The following ERG variants were observed in gnomAD, a reference collection of about 807,000 sequenced individuals.
ERG encodes the protein transcriptional regulator ERG.
Under a neutral mutation model 55.3 loss-of-function variants are expected in ERG, and 9 were observed. The ratio of observed to expected loss-of-function variants is 0.16; its 90% confidence interval spans 0.10 to 0.28. The LOEUF (loss-of-function observed/expected upper bound fraction) is 0.28. ERG is among the 10% of genes least tolerant of loss of function. ERG has a pLI of 1.00. For synonymous variants in ERG, 223 were observed against 237.3 expected, an observed-to-expected ratio of 0.94 and a Z score of 0.55; for missense variants, 434 against 631.6, an observed-to-expected ratio of 0.69 and a Z score of 3.35.
At chr21:38,661,669 T>G (rs1004940680) in exon 1 of ERG, 14 of 152,428 alleles carry the variant, frequency 9.2e-5, no homozygotes, top group Admixed American at 7.2e-4. Context: ...TGAGCGCCGC[T>G]CCTCTTCTCT....
chr21:38,505,523 TTTG>T (rs1325186039), intron 2 of ERG, among the ~76,000 whole-genome samples: 4 of 152,322 alleles, frequency 2.6e-5, no homozygotes, highest in African/African-American at 9.6e-5. Context: ...TATCAGTAAA[TTTG>T]TTGTTGTCAT....
chr21:38,581,985 GTGAGCCGAGATCGTGCCACTGCAC>G (rs2060031815), intron 1 of ERG, among the ~76,000 whole-genome samples: 1 of 147,724 alleles, frequency 6.8e-6, no homozygotes, highest in South Asian at 2.2e-4. Context: ...GGAGGTTGCA[GTGAGCCGAGATCGTGCCACTGCAC>G]TCCAGCCTGG....
rs569831669 is a variant in ERG at position 38,630,455 on chromosome 21, G to A, written c.-150+31203C>T. Among the ~76,000 whole-genome samples the A allele has an allele frequency of 2.0e-5, 3 of 152,224 alleles. No individual in the cohort carries two copies. The East Asian group carries it at 5.8e-4, about 29-fold the overall frequency. On this transcript the variant is annotated intron_variant, in intron 1 of 10. Coordinates refer to the ERG transcript ENST00000398910. ...AGTCATCATCTCAGCCATGCAACAG[G>A]GAGGTGGGAGGAGGAAGGACAAGGG...
chr21:38,522,934 T>C (rs191823346), intron 2 of ERG, among the ~76,000 whole-genome samples: 14 of 152,318 alleles, frequency 9.2e-5, no homozygotes, highest in Non-Finnish European at 1.6e-4. Context: ...AGGTATAAGC[T>C]GTACGAAATT....
chr21:38,647,064 T>C (rs2060461479), intron 1 of ERG, among the ~76,000 whole-genome samples: 1 of 152,210 alleles, frequency 6.6e-6, no homozygotes, highest in African/African-American at 2.4e-5. Context: ...CTTTGATAAG[T>C]ACCGTGTCAC....
chr21:38,455,374 G>A (rs1428450983), intron 1 of ERG, among the ~76,000 whole-genome samples: 1 of 152,058 alleles, frequency 6.6e-6, no homozygotes, highest in African/African-American at 2.4e-5. Flanking sequence ...GGTGATTCAA[G>A]GCTTGAGAAA....
chr21:38,574,574 T>C (rs1158051714), intron 2 of ERG, among the ~76,000 whole-genome samples: 2 of 152,236 alleles, frequency 1.3e-5, no homozygotes, highest in African/African-American at 4.8e-5. Context: ...CTGCACATGG[T>C]CCAGAATGCC....
chr21:38,643,601 C>G (rs2060438447), intron 1 of ERG, among the ~76,000 whole-genome samples: 1 of 152,174 alleles, frequency 6.6e-6, no homozygotes, highest in South Asian at 2.1e-4. Context: ...AGAACTCATT[C>G]AATTCAGTCC....
intron 1 of ERG, among the ~76,000 whole-genome samples, chr21:38,601,872 A>G (rs963108415): frequency 6.6e-6 from 1 of 152,166 alleles, no homozygotes; most frequent in African/African-American, 2.4e-5. Flanking sequence ...AGCATATTTT[A>G]CTTTATTTTT....
chr21:38,660,647 C>G (rs2060547964), intron 1 of ERG: 1 of 151,988 alleles, frequency 6.6e-6, no homozygotes, highest in South Asian at 2.1e-4. Context: ...CACTAACTCC[C>G]TCGGCGCCGA....
chr21:38,513,687 A>C (rs1386441436), intron 2 of ERG, among the ~76,000 whole-genome samples: 41 of 152,184 alleles, frequency 2.7e-4, no homozygotes. Flanking sequence ...GGAGCACATA[A>C]TAATGTTACT....
intron 2 of ERG, among the ~76,000 whole-genome samples, chr21:38,537,541 A>G (rs2059720420): frequency 6.6e-6 from 1 of 152,168 alleles, no homozygotes; most frequent in Non-Finnish European, 1.5e-5. Context: ...TTTTCCAAAG[A>G]TAACACTAAT....
intron 2 of ERG, 136 bp downstream of exon 2, chr21:38,445,268 A>G (rs1251601784): frequency 2.9e-6 from 2 of 680,186 alleles, no homozygotes; most frequent in Admixed American, 5.1e-5. Flanking sequence ...CAGGCTCCCG[A>G]GTAGCTGGGA....
intron 3 of ERG, among the ~76,000 whole-genome samples, chr21:38,406,229 A>G (rs1465378813): frequency 6.6e-6 from 1 of 151,296 alleles, no homozygotes; most frequent in Admixed American, 6.6e-5. Context: ...TGCTACAGAG[A>G]GAATATCAAC....
chr21:38,400,500 A>T, intron 6 of ERG, 74 bp downstream of exon 6: 1 of 1,172,886 alleles, frequency 8.5e-7, no homozygotes, highest in Non-Finnish European at 1.3e-6. Flanking sequence ...GTATCACGTG[A>T]CTTAGGGCAC....
At chr21:38,652,404 C>T (rs2060493479) in intron 1 of ERG, among the ~76,000 whole-genome samples, 1 of 152,008 alleles carries the variant, frequency 6.6e-6, no homozygotes, top group South Asian at 2.1e-4. Flanking sequence ...ACCTTGTTCC[C>T]AAAAAGGGAC....
upstream of ERG, among the ~76,000 whole-genome samples, chr21:38,501,121 A>C (rs1351976975): frequency 1.5e-5 from 2 of 129,872 alleles, no homozygotes; most frequent in East Asian, 2.3e-4. Context: ...GCTGGAGTGC[A>C]GTGGCGCGAT....
chr21:38,497,858 C>T (rs2059392247), intron 1 of ERG, among the ~76,000 whole-genome samples: 2 of 152,214 alleles, frequency 1.3e-5, no homozygotes, highest in East Asian at 3.8e-4. Context: ...CAAATCAAGT[C>T]AACATTTGCG....
At chr21:38,521,652 A>T (rs1300039088) in intron 2 of ERG, among the ~76,000 whole-genome samples, 1 of 152,224 alleles carries the variant, frequency 6.6e-6, no homozygotes, top group Non-Finnish European at 1.5e-5. Flanking sequence ...TTGCAAAAAA[A>T]CATAATTCAA....
Sources: allele counts gnomAD v4.1 joint callset (sites outside exome capture counted in the v4.1 genomes callset), GRCh38; gene constraint gnomAD v4.1.1; transcripts MANE v1.5; gene names NCBI Gene and HGNC (gene_info 2026-07-23, HGNC 2026-07-21).